The following RHNO1 variants were observed in gnomAD, a reference collection of about 807,000 sequenced individuals.
RHNO1 encodes the protein RAD9, HUS1, RAD1-interacting nuclear orphan protein 1.
In RHNO1, 9 loss-of-function variants were observed where a neutral mutation model predicts 7.2. The ratio of observed to expected loss-of-function variants is 1.25; its 90% CI spans 0.75 to 2.18. RHNO1 has a LOEUF of 2.18. Ranked by LOEUF, RHNO1 falls within the 30% of genes most tolerant of loss-of-function variation. The pLI is 0.00. For missense variants in RHNO1, 292 were observed against 284.5 expected, an observed-to-expected ratio of 1.03 and a Z score of -0.19; for synonymous variants, 95 against 107.5, an observed-to-expected ratio of 0.88 and a Z score of 0.72.
chr12:2,887,029 C>T (rs1565490451), intron 2 of RHNO1: 3 of 454,628 alleles, frequency 6.6e-6, no homozygotes, highest in Non-Finnish European at 1.3e-5. Context: ...TCCCTACCCT[C>T]ATGAAGTTTA....
chr12:2,885,316 C>G lies in RHNO1; in HGVS notation c.-51C>G. On this transcript the variant is annotated 5_prime_UTR_variant, in exon 2 of 3. Transcript: ENST00000489288. Reference sequence around the variant, plus strand: ...TGGAATTGGAGCCTATCCCCCAACCCGAAGGCTAACAGCATCATGTGGTTA... The same window carrying G: ...TGGAATTGGAGCCTATCCCCCAACCGGAAGGCTAACAGCATCATGTGGTTA... 1 of 1,541,750 alleles carries G rather than the reference C, an allele frequency of 6.5e-7. No individual in the cohort carries two copies. Among genetic ancestry groups the G allele is most frequent in the South Asian group, 1.2e-5 (1 of 82,438 alleles).
At chr12:2,887,370 C>T (rs576719833) in intron 2 of RHNO1, among the ~76,000 whole-genome samples, 13 of 150,850 alleles carry the variant, frequency 8.6e-5, no homozygotes, top group South Asian at 4.2e-4. Flanking sequence ...CCCAGCTACA[C>T]GGGAAGCTTA....
intron 1 of RHNO1, among the ~76,000 whole-genome samples, chr12:2,882,959 C>G (rs1044455548): frequency 6.7e-6 from 1 of 149,928 alleles, no homozygotes; most frequent in African/African-American, 2.5e-5. Context: ...TCCAGCTACT[C>G]AGGAAGCTGA....
At chr12:2,886,703 C>T (rs1427441269) in intron 2 of RHNO1, among the ~76,000 whole-genome samples, 2 of 150,302 alleles carry the variant, frequency 1.3e-5, no homozygotes, top group Non-Finnish European at 3.0e-5. Flanking sequence ...GAGAATATAG[C>T]TACTATACAA....
chr12:2,886,025 C>A (rs1244040812), intron 2 of RHNO1: 1 of 152,868 alleles, frequency 6.5e-6, no homozygotes, highest in Non-Finnish European at 1.5e-5. Context: ...GGGGCGGGGG[C>A]AAGGAGTTAA....
intron 1 of RHNO1, among the ~76,000 whole-genome samples, chr12:2,881,738 C>A (rs964823265): frequency 6.6e-6 from 1 of 151,602 alleles, no homozygotes; most frequent in Non-Finnish European, 1.5e-5. Context: ...AACCCCGTCT[C>A]TACTAAAAAT....
At chr12:2,883,587 T>C (rs1194981731) in intron 1 of RHNO1, among the ~76,000 whole-genome samples, 6 of 143,566 alleles carry the variant, frequency 4.2e-5, no homozygotes, top group African/African-American at 1.5e-4. Flanking sequence ...GCGTGATCTC[T>C]GCTCACCGCA....
At chr12:2,885,050 G>T in intron 1 of RHNO1, 2 of 277,284 alleles carry the variant, frequency 7.2e-6, no homozygotes, top group Non-Finnish European at 1.3e-5. Flanking sequence ...TTGAATAAAT[G>T]GTTATTCATC....
rs1444646642 is a variant in RHNO1 at position 2,888,410 on chromosome 12, T to G, written c.668T>G (p.Leu223Arg). The G allele has an allele frequency of 6.2e-7, 1 of 1,608,526 alleles. No individual in the cohort carries two copies. Among genetic ancestry groups the G allele is most frequent in the East Asian group, 2.2e-5 (1 of 44,878 alleles). The change falls in exon 3 of 3, where the codon CTC becomes CGC. Residue 223 changes from leucine to arginine, a missense_variant. Transcript: ENST00000489288. ...WRRRQHLLAY[L>R]RERGKLSRSQ... ...AGACGACAGCACCTGCTTGCTTACCTCAGGGAGAGAGGGAAGCTGAGCAGA... is the reference window on the plus strand; with the variant it reads ...AGACGACAGCACCTGCTTGCTTACCGCAGGGAGAGAGGGAAGCTGAGCAGA...
intron 2 of RHNO1, among the ~76,000 whole-genome samples, chr12:2,886,655 CAAAAA>C (rs11441422): frequency 4.2e-5 from 4 of 95,354 alleles, no homozygotes; most frequent in African/African-American, 7.8e-5. Context: ...GACCCTGTCT[CAAAAA>C]AAAAAAAAAA....
intron 2 of RHNO1, 67 bp downstream of exon 2, chr12:2,885,601 G>A: frequency 7.6e-7 from 1 of 1,312,078 alleles, no homozygotes; most frequent in Non-Finnish European, 1.0e-6. Flanking sequence ...TTGAGACGGA[G>A]TCTCGCTCTA....
At chr12:2,879,508 AT>A (rs981896052) in intron 1 of RHNO1, among the ~76,000 whole-genome samples, 1 of 151,354 alleles carries the variant, frequency 6.6e-6, no homozygotes, top group Non-Finnish European at 1.5e-5. Flanking sequence ...GATTTTTTGT[AT>A]TTTTTGTAGA....
chr12:2,880,469 T>A (rs1404362931), intron 1 of RHNO1, among the ~76,000 whole-genome samples: 1 of 151,260 alleles, frequency 6.6e-6, no homozygotes, highest in Non-Finnish European at 1.5e-5. Flanking sequence ...AATACTATAA[T>A]TAGCTGGGCG....
rs2098169657 is a variant in RHNO1, at chr12:2,889,499, CATT to C, written c.*1042_*1044del. The C allele has an allele frequency of 1.3e-5, 2 of 152,192 alleles. No individual in the cohort carries two copies. Among genetic ancestry groups the C allele is most frequent in the South Asian group, 4.1e-4 (2 of 4,826 alleles). 9.4% of individuals were successfully genotyped at this position (152,192 alleles called of 1,614,324 possible). A position where few individuals can be genotyped will look rare whatever the true frequency, so the allele number is the denominator to read the frequency against. On this transcript the variant is annotated 3_prime_UTR_variant, in exon 3 of 3. Transcript: ENST00000489288. Reference sequence around the variant, plus strand: ...CCTTTTACTCAGACAAGTAGCATCTCATTAAACCCATTCATTTAGCATTCATTC... The same window carrying C: ...CCTTTTACTCAGACAAGTAGCATCTCAAACCCATTCATTTAGCATTCATTC...
At chr12:2,883,196 C>T (rs2098160519) in intron 1 of RHNO1, among the ~76,000 whole-genome samples, 1 of 150,332 alleles carries the variant, frequency 6.7e-6, no homozygotes, top group Admixed American at 6.7e-5. Flanking sequence ...CTGGGCAATA[C>T]AACGAAACCC....
chr12:2,884,270 G>A (rs1419864142), intron 1 of RHNO1, among the ~76,000 whole-genome samples: 1 of 152,130 alleles, frequency 6.6e-6, no homozygotes, highest in Non-Finnish European at 1.5e-5. Context: ...GTCTAGCTCT[G>A]CTGCCCAGGC....
intron 1 of RHNO1, among the ~76,000 whole-genome samples, chr12:2,881,789 C>T (rs2098158065): frequency 6.6e-6 from 1 of 151,412 alleles, no homozygotes; most frequent in Non-Finnish European, 1.5e-5. Flanking sequence ...CCTGTAGTCC[C>T]AGCAACTCAT....
chr12:2,881,428 A>C (rs2098157468), intron 1 of RHNO1, among the ~76,000 whole-genome samples: 1 of 151,806 alleles, frequency 6.6e-6, no homozygotes. Flanking sequence ...TTCCTTTCCG[A>C]CTAGAATGTA....
At chr12:2,885,649 A>G (rs2098164731) in intron 2 of RHNO1, 115 bp downstream of exon 2, 6 of 922,860 alleles carry the variant, frequency 6.5e-6, no homozygotes, top group Non-Finnish European at 9.2e-6. Flanking sequence ...ATCTTGGCTC[A>G]CTGCAAGCTC....
Sources: gnomAD v4.1 joint callset for allele counts (sites outside exome capture counted in the v4.1 genomes callset) on GRCh38, gnomAD v4.1.1 for gene constraint, MANE v1.5 for transcripts, NCBI Gene and HGNC (gene_info 2026-07-23, HGNC 2026-07-21) for gene names.